The following KIAA1958 variants were observed in gnomAD, a reference collection of about 807,000 sequenced individuals.
KIAA1958 encodes uncharacterized protein KIAA1958.
A neutral mutation model predicts 47.2 loss-of-function variants in KIAA1958; 14 were observed. The ratio of observed to expected loss-of-function variants is 0.30; its 90% CI spans 0.20 to 0.46. KIAA1958 has a LOEUF of 0.46. KIAA1958 is among the 20% of genes least tolerant of loss of function. The pLI is 1.00. For synonymous variants in KIAA1958, 354 were observed against 353.3 expected (o/e 1.00, Z -0.02); for missense variants, 803 against 909.2 (o/e 0.88, Z 1.50).
intron 1 of KIAA1958, among the ~76,000 whole-genome samples, chr9:112,530,732 C>A (rs1353734085): frequency 6.6e-6 from 1 of 152,050 alleles, no homozygotes; most frequent in African/African-American, 2.4e-5. Context: ...TTTATGGTTG[C>A]CAGTAGCTGA....
chr9:112,534,952 TGA>T (rs1482790368), intron 1 of KIAA1958, among the ~76,000 whole-genome samples: 16 of 152,248 alleles, frequency 1.1e-4, no homozygotes, highest in Non-Finnish European at 2.1e-4. Context: ...TTATGTCTCT[TGA>T]CTTTGTTGTG....
chr9:112,576,918 A>G (rs1835655811), intron 2 of KIAA1958, among the ~76,000 whole-genome samples: 1 of 152,136 alleles, frequency 6.6e-6, no homozygotes, highest in African/African-American at 2.4e-5. Flanking sequence ...AGGAGCTGTC[A>G]AACTGTTTTC....
At position 112,565,215 on chromosome 9, in the gene KIAA1958, G is replaced by A. The variant is rs1160614608; in HGVS notation, c.-24-8842G>A. ...AAGTTCATAGCATTGCTAACATAGT[G>A]TATTATACTTAACCTAAACTCCACC... On this transcript the variant is annotated intron_variant, in intron 1 of 3. Coordinates refer to ENST00000337530, the MANE Select transcript of KIAA1958 (RefSeq NM_133465.4). Among the ~76,000 whole-genome samples, 4 of 152,186 alleles carry A rather than the reference G, an allele frequency of 2.6e-5. No homozygotes were observed. The East Asian group carries it at 7.7e-4, about 29-fold the overall frequency.
chr9:112,592,176 G>A (rs371575743), intron 2 of KIAA1958, among the ~76,000 whole-genome samples: 2 of 152,298 alleles, frequency 1.3e-5, no homozygotes, highest in Admixed American at 1.3e-4. Context: ...ATCGAAAAAG[G>A]TTGCTTTACG....
intron 2 of KIAA1958, among the ~76,000 whole-genome samples, chr9:112,592,434 T>C (rs548586803): frequency 6.6e-6 from 1 of 152,312 alleles, no homozygotes; most frequent in Admixed American, 6.5e-5. Flanking sequence ...TCAACACTTC[T>C]ACCCATGTCA....
At chr9:112,539,150 G>A (rs1300192720) in intron 1 of KIAA1958, among the ~76,000 whole-genome samples, 1 of 152,184 alleles carries the variant, frequency 6.6e-6, no homozygotes, top group Non-Finnish European at 1.5e-5. Context: ...TCCTGAAATG[G>A]TTAAACATAG....
At chr9:112,647,069 T>C (rs1177325504) in intron 3 of KIAA1958, among the ~76,000 whole-genome samples, 2 of 151,826 alleles carry the variant, frequency 1.3e-5, no homozygotes, top group African/African-American at 4.8e-5. Flanking sequence ...ACAGATGAAA[T>C]AGGACAGGAA....
chr9:112,652,031 TA>T (rs1837062820), intron 3 of KIAA1958, among the ~76,000 whole-genome samples: 3 of 152,344 alleles, frequency 2.0e-5, no homozygotes, highest in Admixed American at 1.3e-4. Context: ...CATGCCTGGC[TA>T]ATTTTTAAAT....
At chr9:112,501,393 T>C (rs536328812) in intron 1 of KIAA1958, among the ~76,000 whole-genome samples, 33 of 151,986 alleles carry the variant, frequency 2.2e-4, no homozygotes, top group African/African-American at 8.0e-4. Context: ...TGGTGAGCTA[T>C]AATGGCGCCG....
At chr9:112,630,999 A>G (rs1836698669) in intron 2 of KIAA1958, among the ~76,000 whole-genome samples, 1 of 152,248 alleles carries the variant, frequency 6.6e-6, no homozygotes, top group African/African-American at 2.4e-5. Flanking sequence ...TTGCTAGGGA[A>G]AGAATATTAG....
chr9:112,548,473 G>C (rs1042114346), intron 1 of KIAA1958, among the ~76,000 whole-genome samples: 3 of 152,204 alleles, frequency 2.0e-5, no homozygotes, highest in African/African-American at 7.2e-5. Flanking sequence ...TCCTGGGGCT[G>C]TGTCATGTGC....
intron 1 of KIAA1958, among the ~76,000 whole-genome samples, chr9:112,541,303 C>A: frequency 6.7e-6 from 1 of 149,570 alleles, no homozygotes; most frequent in Admixed American, 6.7e-5. Flanking sequence ...TTTCATCTAA[C>A]ATTAAAATAG....
chr9:112,626,517 T>C (rs1226574109), intron 2 of KIAA1958, among the ~76,000 whole-genome samples: 1 of 152,176 alleles, frequency 6.6e-6, no homozygotes, highest in East Asian at 1.9e-4. Flanking sequence ...TTGTTTGTGA[T>C]AAGTAGAATT....
chr9:112,654,285 C>G (rs901274004), intron 3 of KIAA1958, among the ~76,000 whole-genome samples: 1 of 152,130 alleles, frequency 6.6e-6, no homozygotes, highest in African/African-American at 2.4e-5. Flanking sequence ...AGGAACCGTT[C>G]CTCTCTTGTA....
At chr9:112,627,986 C>T (rs923917810) in intron 2 of KIAA1958, among the ~76,000 whole-genome samples, 5 of 152,056 alleles carry the variant, frequency 3.3e-5, no homozygotes, top group African/African-American at 9.7e-5. Context: ...AAGAGAAAAT[C>T]GTTTCAACAT....
chr9:112,559,454 C>G (rs1835292008), intron 1 of KIAA1958, among the ~76,000 whole-genome samples: 1 of 152,210 alleles, frequency 6.6e-6, no homozygotes. Flanking sequence ...GAGAACAGCT[C>G]TGATTGCTGC....
At chr9:112,591,129 G>GCA (rs1258769275) in intron 2 of KIAA1958, among the ~76,000 whole-genome samples, 1 of 152,126 alleles carries the variant, frequency 6.6e-6, no homozygotes, top group Non-Finnish European at 1.5e-5. Context: ...TGTCGCCCAG[G>GCA]CTGGAGTGCT....
rs750783088 is a variant in KIAA1958, at chr9:112,666,733, A to G, written c.*6664A>G. ...AAACAGGCCCTGTGAAATTAAAAAC[A>G]TGAAAGCTATTTAGTACTTGTCCTC... On this transcript the variant is annotated 3_prime_UTR_variant, in exon 4 of 4. Transcript: ENST00000337530. 2 of 152,350 alleles carry G rather than the reference A, an allele frequency of 1.3e-5. No individual in the cohort carries two copies. Among genetic ancestry groups the G allele is most frequent in the Middle Eastern group, 3.4e-3 (1 of 294 alleles). 9.4% of individuals were successfully genotyped at this position (152,350 alleles called of 1,614,324 possible). A position where few individuals can be genotyped will look rare whatever the true frequency, so the allele number is the denominator to read the frequency against.
At chr9:112,536,148 T>C (rs1588006982) in intron 1 of KIAA1958, among the ~76,000 whole-genome samples, 1 of 152,348 alleles carries the variant, frequency 6.6e-6, no homozygotes, top group African/African-American at 2.4e-5. Flanking sequence ...CACTGGACTT[T>C]CTTTCCCATG....
Sources: allele counts gnomAD v4.1 joint callset (sites outside exome capture counted in the v4.1 genomes callset), GRCh38; gene constraint gnomAD v4.1.1; transcripts MANE v1.5; gene names NCBI Gene and HGNC (gene_info 2026-07-23, HGNC 2026-07-21).